Variants in GABBR2 observed in about 807,000 individuals in gnomAD.
The protein encoded by GABBR2 is G-protein coupled receptor 51.
In GABBR2, 23 loss-of-function variants were observed where a neutral mutation model predicts 105.6. The ratio of observed to expected loss-of-function variants is 0.22; its 90% CI spans 0.16 to 0.31. The LOEUF (loss-of-function observed/expected upper bound fraction) is 0.31. GABBR2 is among the 10% of genes least tolerant of loss of function. The pLI is 1.00. For missense variants in GABBR2, 734 were observed against 1,245.5 expected, an observed-to-expected ratio of 0.59 and a Z score of 6.18; for synonymous variants, 478 against 499.7, an observed-to-expected ratio of 0.96 and a Z score of 0.58.
chr9:98,602,760 G>T (rs1829360268), intron 1 of GABBR2, among the ~76,000 whole-genome samples: 1 of 152,200 alleles, frequency 6.6e-6, no homozygotes, highest in Non-Finnish European at 1.5e-5. Context: ...TCACGGAGAT[G>T]CTCGGTTTCT....
intron 13 of GABBR2, among the ~76,000 whole-genome samples, chr9:98,326,462 A>G (rs780560913): frequency 6.6e-6 from 1 of 152,238 alleles, no homozygotes; most frequent in Non-Finnish European, 1.5e-5. Context: ...CTGCTCATGC[A>G]TATTCTCAGC....
chr9:98,542,596 T>C (rs1362604902), intron 2 of GABBR2, among the ~76,000 whole-genome samples: 1 of 152,216 alleles, frequency 6.6e-6, no homozygotes, highest in Non-Finnish European at 1.5e-5. Context: ...GATGTTTCCA[T>C]AAGATAGAGT....
At chr9:98,455,546 C>A (rs1458461997) in intron 6 of GABBR2, among the ~76,000 whole-genome samples, 2 of 152,348 alleles carry the variant, frequency 1.3e-5, no homozygotes, top group African/African-American at 4.8e-5. Flanking sequence ...CAAGGTTACA[C>A]AGCCTGTGTG....
intron 1 of GABBR2, among the ~76,000 whole-genome samples, chr9:98,664,138 G>C (rs984881474): frequency 3.3e-5 from 5 of 152,206 alleles, no homozygotes; most frequent in African/African-American, 1.2e-4. Flanking sequence ...TATAGAGTAA[G>C]AGCCATCAGA....
intron 1 of GABBR2, among the ~76,000 whole-genome samples, chr9:98,628,496 G>A (rs548756593): frequency 1.3e-5 from 2 of 152,270 alleles, no homozygotes; most frequent in East Asian, 1.9e-4. Flanking sequence ...AAACACTTGA[G>A]CTTGCTGTGA....
At chr9:98,506,843 C>G (rs1385912553) in intron 3 of GABBR2, among the ~76,000 whole-genome samples, 1 of 152,184 alleles carries the variant, frequency 6.6e-6, no homozygotes, top group Non-Finnish European at 1.5e-5. Flanking sequence ...GAGATCCCAC[C>G]TGGTAGAGCT....
intron 6 of GABBR2, among the ~76,000 whole-genome samples, chr9:98,466,809 A>C (rs1826568377): frequency 6.6e-6 from 1 of 152,326 alleles, no homozygotes; most frequent in South Asian, 2.1e-4. Flanking sequence ...GAGATAGGTT[A>C]TTTCTTTCTC....
At chr9:98,632,385 T>C (rs554784599) in intron 1 of GABBR2, among the ~76,000 whole-genome samples, 1 of 152,292 alleles carries the variant, frequency 6.6e-6, no homozygotes, top group South Asian at 2.1e-4. Flanking sequence ...TTCCTTGCCT[T>C]ATTCAGTGTG....
chr9:98,609,634 T>G (rs1433915604), intron 1 of GABBR2, among the ~76,000 whole-genome samples: 1 of 152,146 alleles, frequency 6.6e-6, no homozygotes, highest in Non-Finnish European at 1.5e-5. Flanking sequence ...TTTTTAGCAG[T>G]GAGCAAGGCA....
chr9:98,457,403 T>C (rs994779877), intron 6 of GABBR2, among the ~76,000 whole-genome samples: 4 of 152,246 alleles, frequency 2.6e-5, no homozygotes, highest in African/African-American at 9.6e-5. Context: ...TAACTGAGTG[T>C]AATTTTAAAC....
Position 98,290,752 on chromosome 9 carries a change from G to C in GABBR2, c.2661-3C>G. ...GGAGGGACAGCCGACGCTGGATGCTGAAGAGAAGGAGAGGGAGGAGTGTTA... is the reference window on the plus strand; with the variant it reads ...GGAGGGACAGCCGACGCTGGATGCTCAAGAGAAGGAGAGGGAGGAGTGTTA... On this transcript the variant is annotated splice_polypyrimidine_tract_variant and splice_region_variant and intron_variant, in intron 18 of 18. Transcript: ENST00000259455. The C allele has an allele frequency of 6.8e-7, 1 of 1,478,180 alleles. No homozygotes were observed. Among genetic ancestry groups the C allele is most frequent in the Admixed American group, 3.0e-5 (1 of 32,998 alleles). The allele number at this position is 1,478,180 out of a possible 1,614,324, so 91.6% of individuals were successfully genotyped here. A position where few individuals can be genotyped will look rare whatever the true frequency, so the allele number is the denominator to read the frequency against.
chr9:98,615,377 G>C (rs1399120183), intron 1 of GABBR2, among the ~76,000 whole-genome samples: 3 of 152,232 alleles, frequency 2.0e-5, no homozygotes, highest in Non-Finnish European at 4.4e-5. Context: ...GGCATCAGCT[G>C]TTCCACAGAA....
intron 6 of GABBR2, among the ~76,000 whole-genome samples, chr9:98,467,191 C>T (rs1826576613): frequency 6.6e-6 from 1 of 152,134 alleles, no homozygotes; most frequent in Non-Finnish European, 1.5e-5. Context: ...GGTTAAAAAC[C>T]AGAGTTGCGT....
At chr9:98,339,391 A>G (rs1194613403) in intron 13 of GABBR2, among the ~76,000 whole-genome samples, 1 of 152,194 alleles carries the variant, frequency 6.6e-6, no homozygotes, top group African/African-American at 2.4e-5. Context: ...CTGCCTTGGA[A>G]AGCTATGATT....
chr9:98,584,139 A>C (rs1829038526), intron 1 of GABBR2, among the ~76,000 whole-genome samples: 1 of 147,566 alleles, frequency 6.8e-6, no homozygotes, highest in African/African-American at 2.5e-5. Flanking sequence ...CCCCCACCAC[A>C]CCTCCCCCAC....
At chr9:98,430,003 G>C (rs1204006516) in intron 7 of GABBR2, among the ~76,000 whole-genome samples, 1 of 152,084 alleles carries the variant, frequency 6.6e-6, no homozygotes, top group Non-Finnish European at 1.5e-5. Flanking sequence ...AATACTCCTT[G>C]AGGCTGGGCG....
intron 1 of GABBR2, among the ~76,000 whole-genome samples, chr9:98,631,680 T>C (rs1348526432): frequency 2.6e-5 from 4 of 152,202 alleles, no homozygotes; most frequent in Non-Finnish European, 4.4e-5. Context: ...CTAACTCATC[T>C]CCCTCCCAAA....
chr9:98,620,640 T>C (rs2131821167), intron 1 of GABBR2, among the ~76,000 whole-genome samples: 1 of 152,196 alleles, frequency 6.6e-6, no homozygotes, highest in Non-Finnish European at 1.5e-5. Context: ...AAGAAGGAAC[T>C]CTGGGAATTA....
At chr9:98,295,463 A>G (rs1204766774) in intron 17 of GABBR2, among the ~76,000 whole-genome samples, 1 of 152,232 alleles carries the variant, frequency 6.6e-6, no homozygotes, top group South Asian at 2.1e-4. Context: ...ATAAGCTTCC[A>G]TCAGGCATGA....
Sources: allele counts gnomAD v4.1 joint callset (sites outside exome capture counted in the v4.1 genomes callset), GRCh38; gene constraint gnomAD v4.1.1; transcripts MANE v1.5; gene names NCBI Gene and HGNC (gene_info 2026-07-23, HGNC 2026-07-21).